Variants in HECW2 observed in about 807,000 individuals in gnomAD.
HECW2 encodes HECT, C2 and WW domain containing E3 ubiquitin protein ligase 2.
In HECW2, 61 loss-of-function variants were observed where a neutral mutation model predicts 175.2. The ratio of observed to expected loss-of-function variants is 0.35; its 90% CI spans 0.28 to 0.43. The LOEUF is 0.43. Among genes scored for constraint, HECW2 ranks in the 20% least tolerant of loss-of-function variants. HECW2 has a pLI of 1.00. For missense variants in HECW2, 1,524 were observed against 2,000.5 expected, an observed-to-expected ratio of 0.76 and a Z score of 4.54; for synonymous variants, 671 against 731.0, an observed-to-expected ratio of 0.92 and a Z score of 1.32.
intron 2 of HECW2, among the ~76,000 whole-genome samples, chr2:196,390,640 A>G (rs1223065589): frequency 6.6e-6 from 1 of 152,148 alleles, no homozygotes; most frequent in Non-Finnish European, 1.5e-5. Flanking sequence ...CTCCTAAGGG[A>G]AAAAATGCCA....
At chr2:196,299,557 C>T (rs764876293) in intron 13 of HECW2, among the ~76,000 whole-genome samples, 3 of 152,216 alleles carry the variant, frequency 2.0e-5, no homozygotes, top group Non-Finnish European at 2.9e-5. Flanking sequence ...GGACCCACTC[C>T]AGACCTACTG....
At chr2:196,262,325 C>A (rs1689328037) in intron 17 of HECW2, among the ~76,000 whole-genome samples, 4 of 152,092 alleles carry the variant, frequency 2.6e-5, no homozygotes, top group Admixed American at 2.6e-4. Context: ...CTTACTGCAT[C>A]AGCCTGGCTT....
chr2:196,354,222 G>A (rs1693278185), intron 2 of HECW2, among the ~76,000 whole-genome samples: 1 of 152,228 alleles, frequency 6.6e-6, no homozygotes, highest in African/African-American at 2.4e-5. Context: ...GACTAAAAGA[G>A]CTAATTACCA....
intron 1 of HECW2, among the ~76,000 whole-genome samples, chr2:196,486,427 C>T (rs17244073): frequency 0.079 from 12,006 of 152,176 alleles, 553 homozygotes; most frequent in Middle Eastern, 0.13. Flanking sequence ...CACATGGTCA[C>T]GCACTACAGA....
chr2:196,307,253 G>C lies in HECW2; in HGVS notation c.2586-20C>G. 6.5e-7 allele frequency: 1 copy of C among 1,531,506 alleles called. No individual in the cohort carries two copies. The highest frequency in any genetic ancestry group is 9.1e-7 in the Non-Finnish European group (1 of 1,104,732). The allele number at this position is 1,531,506 out of a possible 1,614,324, so 94.9% of individuals were successfully genotyped here. A position where few individuals can be genotyped will look rare whatever the true frequency, so the allele number is the denominator to read the frequency against. ...TGATATCTAAAATCATGAGCCTAGA[G>C]TTACATTCCAGCAGCATTTAAGAGA... On this transcript the variant is annotated intron_variant, in intron 11 of 28. Transcript: ENST00000644978.
intron 4 of HECW2, chr2:196,331,464 C>T (rs1173814894): frequency 7.0e-5 from 13 of 184,794 alleles, no homozygotes; most frequent in Non-Finnish European, 1.0e-4. Context: ...ACTGCGGCCT[C>T]TCTGCAAATG....
intron 1 of HECW2, among the ~76,000 whole-genome samples, chr2:196,486,961 C>T (rs1687027267): frequency 1.3e-5 from 2 of 151,928 alleles, no homozygotes; most frequent in South Asian, 2.1e-4. Flanking sequence ...TAGTGAGACG[C>T]TGTCACTACA....
intron 2 of HECW2, among the ~76,000 whole-genome samples, chr2:196,354,432 C>T (rs771488659): frequency 1.3e-5 from 2 of 152,342 alleles, no homozygotes; most frequent in East Asian, 1.9e-4. Context: ...AGCACACAGT[C>T]GCAGTGGCCC....
At chr2:196,411,063 A>G (rs1695095971) in intron 2 of HECW2, among the ~76,000 whole-genome samples, 1 of 152,222 alleles carries the variant, frequency 6.6e-6, no homozygotes, top group Non-Finnish European at 1.5e-5. Context: ...CAATGGTGTG[A>G]CCATAGTTCA....
chr2:196,496,512 T>C (rs576300039), intron 1 of HECW2, among the ~76,000 whole-genome samples: 2 of 152,198 alleles, frequency 1.3e-5, no homozygotes, highest in Admixed American at 6.5e-5. Context: ...ACATTTTTTA[T>C]AATTATCACA....
chr2:196,587,241 G>A (rs140298936), intron 1 of HECW2, among the ~76,000 whole-genome samples: 6 of 152,186 alleles, frequency 3.9e-5, no homozygotes, highest in African/African-American at 9.6e-5. Context: ...TGCTTTGTTC[G>A]AAAATGACAC....
chr2:196,554,312 T>G (rs544072238), intron 1 of HECW2, among the ~76,000 whole-genome samples: 1 of 151,296 alleles, frequency 6.6e-6, no homozygotes, highest in Admixed American at 6.6e-5. Flanking sequence ...GGCGACAGAA[T>G]GAGACTCCGT....
chr2:196,202,995 A>G lies in HECW2; in HGVS notation c.4608-1607T>C, dbSNP rs561766683. Among the ~76,000 whole-genome samples the G allele has an allele frequency of 2.0e-5, 3 of 152,310 alleles. No homozygotes were observed. In the East Asian group the frequency reaches 5.8e-4, roughly 29 times the overall value. ...ATTTACATAATTTGGTTCATGAAAC[A>G]AAGTTTTGACCGCGTTTTTGACTGC... On this transcript the variant is annotated intron_variant, in intron 28 of 28. Transcript: ENST00000644978.
rs182430112 is a variant in HECW2, at chr2:196,297,647, G to A, written c.2815-4897C>T. Among the ~76,000 whole-genome samples the A allele has an allele frequency of 4.9e-4, 75 of 152,216 alleles. 2 individuals carry two copies. The highest frequency in any genetic ancestry group is 3.9e-3 in the Admixed American group (60 of 15,284). On this transcript the variant is annotated intron_variant, in intron 13 of 28. Transcript: ENST00000644978. ...GTTAAGTACATTACTGATAAATAAA[G>A]TCTTTCTTTCATATTTCAGAAAGCC...
chr2:196,405,213 C>G (rs1173692462), intron 2 of HECW2, among the ~76,000 whole-genome samples: 2 of 152,212 alleles, frequency 1.3e-5, no homozygotes, highest in East Asian at 1.9e-4. Context: ...AGTGATTAAA[C>G]TAGCTACTAC....
chr2:196,246,900 A>T (rs1688665932), intron 19 of HECW2, among the ~76,000 whole-genome samples: 1 of 152,194 alleles, frequency 6.6e-6, no homozygotes, highest in Non-Finnish European at 1.5e-5. Flanking sequence ...GCAATTGTTA[A>T]ATGCAAAAAT....
chr2:196,554,860 C>A (rs912789012), intron 1 of HECW2, among the ~76,000 whole-genome samples: 4 of 152,188 alleles, frequency 2.6e-5, no homozygotes, highest in Admixed American at 2.6e-4. Context: ...GTTTTCACAT[C>A]ATTACAGAAT....
intron 1 of HECW2, among the ~76,000 whole-genome samples, chr2:196,509,740 AT>A (rs892217453): frequency 2.6e-4 from 39 of 152,342 alleles, no homozygotes; most frequent in African/African-American, 8.9e-4. Context: ...CCAGAATCCC[AT>A]TCTATCATTA....
intron 28 of HECW2, among the ~76,000 whole-genome samples, chr2:196,207,271 C>A: frequency 6.6e-6 from 1 of 152,158 alleles, no homozygotes; most frequent in Non-Finnish European, 1.5e-5. Context: ...AATTCAAGGG[C>A]GTGAAATCAG....
Sources: gnomAD v4.1 joint callset for allele counts (sites outside exome capture counted in the v4.1 genomes callset) on GRCh38, gnomAD v4.1.1 for gene constraint, MANE v1.5 for transcripts, NCBI Gene and HGNC (gene_info 2026-07-23, HGNC 2026-07-21) for gene names.